Variants in TMEM43 observed in about 807,000 individuals in gnomAD.
The protein encoded by TMEM43 is arrhythmogenic right ventricular dysplasia 5.
Under a neutral mutation model 49.6 loss-of-function variants are expected in TMEM43, and 45 were observed. That is an observed-to-expected ratio of 0.91 (90% CI 0.71 to 1.16). The LOEUF (loss-of-function observed/expected upper bound fraction) is 1.16, where lower values mean the gene tolerates loss of function less well. Ranked by LOEUF, TMEM43 falls within the 50% of genes most tolerant of loss-of-function variation. TMEM43 has a pLI of 0.00. For missense variants in TMEM43, 532 were observed against 516.6 expected (o/e 1.03, Z -0.29); for synonymous variants, 199 against 207.8 (o/e 0.96, Z 0.36).
chr3:14,131,650 A>G lies in TMEM43; in HGVS notation c.368A>G (p.Gln123Arg). ...VKLRRHVEMY[Q>R]WVETEESREY... ...CTGCGGAGGCACGTGGAGATGTACCAATGGGTAGAAACTGAGGAGTCCAGG... is the reference window on the plus strand; with the variant it reads ...CTGCGGAGGCACGTGGAGATGTACCGATGGGTAGAAACTGAGGAGTCCAGG... Residue 123 changes from glutamine (Q) to arginine (R), a missense_variant, in exon 4 of 12, where the codon CAA becomes CGA. Gln to Arg is a conservative substitution (Grantham distance 43). Coordinates refer to ENST00000306077, the MANE Select transcript of TMEM43 (RefSeq NM_024334.3). 1 of 1,614,096 alleles carries G rather than the reference A, an allele frequency of 6.2e-7. No individual in the cohort carries two copies. Among genetic ancestry groups the G allele is most frequent in the South Asian group, 1.1e-5 (1 of 91,068 alleles).
rs1695114008 is a variant in TMEM43 at position 14,132,756 on chromosome 3, A to G, written c.443-110A>G. On this transcript the variant is annotated intron_variant, in intron 5 of 11. Coordinates refer to ENST00000306077, the MANE Select transcript of TMEM43 (RefSeq NM_024334.3). The stretch of plus-strand genomic sequence containing the variant: ...GCCCTGCTTTCCCACCCATCCATTG[A>G]GGCTCCCTGACCCACCCCTTTGGCT... The G allele has an allele frequency of 5.1e-6, 7 of 1,383,926 alleles. No homozygotes were observed. The South Asian group carries it at 7.0e-5, about 14-fold the overall frequency. 85.7% of individuals were successfully genotyped at this position (1,383,926 alleles called of 1,614,324 possible). A position where few individuals can be genotyped will look rare whatever the true frequency, so the allele number is the denominator to read the frequency against.
chr3:14,133,075 C>A, intron 6 of TMEM43, 140 bp downstream of exon 6: 1 of 751,282 alleles, frequency 1.3e-6, no homozygotes, highest in Non-Finnish European at 2.3e-6. Flanking sequence ...TGAGACCAAG[C>A]CCTGTGCTGG....
Position 14,129,428 on chromosome 3 carries a change from C to T in TMEM43, c.29C>T (p.Thr10Ile). The T allele has an allele frequency of 1.2e-6, 2 of 1,613,374 alleles. No homozygotes were observed. The highest frequency in any genetic ancestry group is 2.2e-5 in the South Asian group (2 of 91,052). Residue 10 changes from threonine (T) to isoleucine (I), a missense_variant, in exon 2 of 12, where the codon ACC becomes ATC. By Grantham distance (89) the Thr-to-Ile change is moderately conservative (BLOSUM62 -1). Transcript: ENST00000306077. The stretch of plus-strand genomic sequence containing the variant: ...TTTCTTCAGTATTCCAGTACCAGTA[C>T]CCGGAGAGAACATGTCAAAGTTAAA... MAANYSSTSTRREHVKVKTS... is the reference protein window; with the variant it reads MAANYSSTSIRREHVKVKTS...
intron 4 of TMEM43, 69 bp from the exon 5 acceptor site, chr3:14,132,477 A>G (rs1239838611): frequency 9.6e-6 from 15 of 1,567,632 alleles, no homozygotes; most frequent in Non-Finnish European, 1.3e-5. Context: ...CTTCCTGCTC[A>G]GATGCTTAGA....
In TMEM43 at chr3:14,135,127, C is replaced by T. The variant is rs1047304944; in HGVS notation, c.706-31C>T. ...TGGGCCTGGGCCAGCTACTCCGTTC[C>T]TCACTCTCCCTGCTTCTCTTCCACC... On this transcript the variant is annotated intron_variant, in intron 8 of 11. Transcript: ENST00000306077. 5 of 1,602,274 alleles carry T rather than the reference C, an allele frequency of 3.1e-6. No homozygotes were observed. In the South Asian group the frequency reaches 5.5e-5, roughly 18 times the overall value.
At position 14,125,145 on chromosome 3, in the gene TMEM43, A is replaced by G. The variant is rs1043722997; in HGVS notation, c.-49A>G. On this transcript the variant is annotated 5_prime_UTR_variant, in exon 1 of 12. Coordinates refer to ENST00000306077, the MANE Select transcript of TMEM43 (RefSeq NM_024334.3). ...GACACCACGCTCCAGTCGTCAGCCC[A>G]CTTCCTAGCTGAACAGCGCGAGGCG... 2 of 1,607,410 alleles carry G rather than the reference A, an allele frequency of 1.2e-6. No individual in the cohort carries two copies. Among genetic ancestry groups the G allele is most frequent in the Non-Finnish European group, 1.7e-6 (2 of 1,178,366 alleles).
At chr3:14,136,470 AGAG>A (rs1559362417) in intron 10 of TMEM43, among the ~76,000 whole-genome samples, 2 of 152,336 alleles carry the variant, frequency 1.3e-5, no homozygotes. Flanking sequence ...AGTGTTGGAA[AGAG>A]GAGAACAGGT....
intron 4 of TMEM43, 101 bp downstream of exon 4, chr3:14,131,775 C>G: frequency 1.2e-6 from 1 of 835,828 alleles, no homozygotes; most frequent in Admixed American, 2.1e-5. Flanking sequence ...CTTTGAAACT[C>G]AAGTATAACA....
Position 14,130,841 on chromosome 3 carries a change from C to T in TMEM43, c.182C>T (p.Ala61Val). 6.2e-7 allele frequency: 1 copy of T among 1,613,836 alleles called. No homozygotes were observed. ...FTNEGRALKT[A>V]TSLAEGLSLV... The stretch of plus-strand genomic sequence containing the variant: ...TCCCAGGGCCGCGCATTGAAGACGG[C>T]AACCTCATTGGCTGAGGGGCTCTCG... Residue 61 changes from alanine to valine, a missense_variant, in exon 3 of 12, where the codon GCA becomes GTA. Ala to Val is a moderately conservative substitution (Grantham distance 64). Coordinates refer to ENST00000306077, the MANE Select transcript of TMEM43 (RefSeq NM_024334.3).
At chr3:14,127,080 A>C (rs1464161562) in intron 1 of TMEM43, among the ~76,000 whole-genome samples, 1 of 152,048 alleles carries the variant, frequency 6.6e-6, no homozygotes, top group Non-Finnish European at 1.5e-5. Flanking sequence ...CTAAGTCCTG[A>C]GTGCTAGGAC....
At chr3:14,133,478 G>A (rs1223236831) in intron 6 of TMEM43, among the ~76,000 whole-genome samples, 1 of 152,162 alleles carries the variant, frequency 6.6e-6, no homozygotes, top group African/African-American at 2.4e-5. Context: ...GACAGCAGTG[G>A]GTGGGGCAGG....
intron 7 of TMEM43, 65 bp downstream of exon 7, chr3:14,133,874 T>A (rs1695133105): frequency 7.0e-7 from 1 of 1,424,950 alleles, no homozygotes; most frequent in Admixed American, 1.7e-5. Context: ...GGGCCGGAGC[T>A]CCCAGTACTC....
At chr3:14,129,336 TGA>T in intron 1 of TMEM43, 74 bp from the exon 2 acceptor site, 36 of 938,772 alleles carry the variant, frequency 3.8e-5, no homozygotes, top group Non-Finnish European at 4.3e-5. Context: ...AAAAAAAAAT[TGA>T]GTATAAATAA....
intron 1 of TMEM43, among the ~76,000 whole-genome samples, chr3:14,128,672 A>G (rs1695049564): frequency 6.6e-6 from 1 of 152,264 alleles, no homozygotes; most frequent in Non-Finnish European, 1.5e-5. Context: ...TGCTGAATTT[A>G]ATTAAAAATA....
chr3:14,130,742 T>C, intron 2 of TMEM43, 80 bp from the exon 3 acceptor site: 1 of 1,538,458 alleles, frequency 6.5e-7, no homozygotes, highest in Middle Eastern at 1.7e-4. Context: ...GGCCCCATCC[T>C]ACCCTAATAC....
rs948213282 is a variant in TMEM43 at position 14,125,332 on chromosome 3, C to T, written c.12+127C>T. The T allele has an allele frequency of 5.9e-6, 7 of 1,182,258 alleles. No individual in the cohort carries two copies. The East Asian group carries it at 1.8e-4, about 30-fold the overall frequency. 73.2% of individuals were successfully genotyped at this position (1,182,258 alleles called of 1,614,324 possible). A position where few individuals can be genotyped will look rare whatever the true frequency, so the allele number is the denominator to read the frequency against. On this transcript the variant is annotated intron_variant, in intron 1 of 11. Transcript: ENST00000306077. Reference sequence around the variant, plus strand: ...CGTGCGGCTAGGCCCGCATCTCCCTCTGCTCGCCGTGTCTGTGCCTTCGCC... The same window carrying T: ...CGTGCGGCTAGGCCCGCATCTCCCTTTGCTCGCCGTGTCTGTGCCTTCGCC...
intron 1 of TMEM43, 110 bp from the exon 2 acceptor site, chr3:14,129,302 A>T: frequency 1.1e-6 from 1 of 914,628 alleles, no homozygotes. Flanking sequence ...ACATACAGTT[A>T]AAACTAAAAA....
chr3:14,139,446 G>A, intron 11 of TMEM43, 149 bp downstream of exon 11: 1 of 691,408 alleles, frequency 1.4e-6, no homozygotes, highest in Admixed American at 2.1e-5. Context: ...CCGCTCCATA[G>A]CCTTGGGATG....
chr3:14,138,389 C>T (rs1041646224), intron 10 of TMEM43, among the ~76,000 whole-genome samples: 1 of 152,070 alleles, frequency 6.6e-6, no homozygotes, highest in Non-Finnish European at 1.5e-5. Context: ...CAGTGAGGCT[C>T]CTGCGGGCAG....
Sources: allele counts gnomAD v4.1 joint callset (sites outside exome capture counted in the v4.1 genomes callset), GRCh38; gene constraint gnomAD v4.1.1; transcripts MANE v1.5; gene names NCBI Gene and HGNC (gene_info 2026-07-23, HGNC 2026-07-21).